SCHIP1: variants seen among roughly 807,000 people sequenced by gnomAD.
The protein encoded by SCHIP1 is schwannomin-interacting protein 1.
A neutral mutation model predicts 29.7 loss-of-function variants in SCHIP1; 8 were observed. That is an observed-to-expected ratio of 0.27 (90% CI 0.16 to 0.49). SCHIP1 has a LOEUF of 0.49. Ranked by LOEUF, SCHIP1 falls within the 20% of genes least tolerant of loss-of-function variation. SCHIP1 has a pLI of 0.99. For synonymous variants in SCHIP1, 76 were observed against 94.9 expected, an observed-to-expected ratio of 0.80 and a Z score of 1.16; for missense variants, 193 against 294.6, an observed-to-expected ratio of 0.66 and a Z score of 2.52.
the SCHIP1 span, among the ~76,000 whole-genome samples, chr3:159,421,175 ATT>A: frequency 6.6e-6 from 1 of 152,170 alleles, no homozygotes; most frequent in Non-Finnish European, 1.5e-5. Context: ...GTTACACAGA[ATT>A]TGTCACCTTT....
At chr3:159,867,211 TCA>T (rs1714718626) in intron 2 of SCHIP1, among the ~76,000 whole-genome samples, 1 of 152,218 alleles carries the variant, frequency 6.6e-6, no homozygotes, top group Non-Finnish European at 1.5e-5. Context: ...CTGTTTCCTC[TCA>T]GTCTTCCTTT....
chr3:159,764,809 C>A, the SCHIP1 span: 7 of 1,579,036 alleles, frequency 4.4e-6, no homozygotes, highest in South Asian at 1.2e-5. The surrounding 1 kb of genome is among the most constrained non-coding windows in gnomAD (Gnocchi z 6.1). Context: ...CACCGCCATG[C>A]CGCCCCCGGT....
At chr3:159,396,454 G>A in the SCHIP1 span, among the ~76,000 whole-genome samples, 1 of 147,736 alleles carries the variant, frequency 6.8e-6, no homozygotes, top group Non-Finnish European at 1.5e-5. Flanking sequence ...TGCAGCGGCT[G>A]GTACCGGTTG....
chr3:159,886,227 T>C, exon 3 of SCHIP1: 1 of 1,614,214 alleles, frequency 6.2e-7, no homozygotes, highest in Non-Finnish European at 8.5e-7. Context: ...GGGATGAACT[T>C]GCAGATATGC....
At chr3:159,583,890 C>A in the SCHIP1 span, among the ~76,000 whole-genome samples, 2 of 152,264 alleles carry the variant, frequency 1.3e-5, no homozygotes, top group Admixed American at 6.5e-5. Context: ...ACATGCCAAT[C>A]GGCTCTTTAT....
the SCHIP1 span, among the ~76,000 whole-genome samples, chr3:159,443,737 G>C: frequency 1.4e-4 from 22 of 152,254 alleles, no homozygotes; most frequent in African/African-American, 5.3e-4. Context: ...TTGATCTCTT[G>C]ACCTCGTGAT....
the SCHIP1 span, among the ~76,000 whole-genome samples, chr3:159,595,311 T>C: frequency 3.9e-5 from 6 of 152,108 alleles, no homozygotes; most frequent in African/African-American, 7.2e-5. Context: ...TCCAGAGATG[T>C]TCTCTAATCA....
chr3:159,445,951 C>A, the SCHIP1 span, among the ~76,000 whole-genome samples: 1 of 151,644 alleles, frequency 6.6e-6, no homozygotes, highest in Non-Finnish European at 1.5e-5. Flanking sequence ...GGGTGCAGCA[C>A]ACCAGCATGG....
the SCHIP1 span, among the ~76,000 whole-genome samples, chr3:159,426,694 A>G: frequency 6.6e-6 from 1 of 152,224 alleles, no homozygotes; most frequent in Non-Finnish European, 1.5e-5. Flanking sequence ...TGAGGCCAGC[A>G]TCATCCTGAT....
chr3:159,616,749 C>T, the SCHIP1 span, among the ~76,000 whole-genome samples: 3 of 151,914 alleles, frequency 2.0e-5, no homozygotes, highest in Admixed American at 6.6e-5. Flanking sequence ...GGAACATGTC[C>T]CTTGCAAGTT....
the SCHIP1 span, among the ~76,000 whole-genome samples, chr3:159,721,313 T>A: frequency 6.6e-6 from 1 of 152,230 alleles, no homozygotes; most frequent in Non-Finnish European, 1.5e-5. Flanking sequence ...TAGAGTTTGC[T>A]TTTTAAATAG....
the SCHIP1 span, among the ~76,000 whole-genome samples, chr3:159,384,010 T>G: frequency 6.6e-6 from 1 of 151,464 alleles, no homozygotes; most frequent in Non-Finnish European, 1.5e-5. Flanking sequence ...GATTTTGGGC[T>G]GAGACAATGG....
chr3:159,544,171 T>C, the SCHIP1 span, among the ~76,000 whole-genome samples: 1 of 152,050 alleles, frequency 6.6e-6, no homozygotes, highest in Non-Finnish European at 1.5e-5. Flanking sequence ...TATATATACA[T>C]ACATATATAT....
the SCHIP1 span, among the ~76,000 whole-genome samples, chr3:159,827,726 ACCCGGGAAG>A: frequency 1.3e-5 from 2 of 151,138 alleles, no homozygotes; most frequent in South Asian, 4.2e-4. Context: ...AATGGCGTGA[ACCCGGGAAG>A]CGGAGCTTGC....
chr3:159,727,926 T>C, the SCHIP1 span, among the ~76,000 whole-genome samples: 1 of 150,558 alleles, frequency 6.6e-6, no homozygotes, highest in Non-Finnish European at 1.5e-5. Flanking sequence ...TTTTTGTTGT[T>C]TTTTTTTTTG....
chr3:159,424,470 T>G, the SCHIP1 span, among the ~76,000 whole-genome samples: 2 of 151,644 alleles, frequency 1.3e-5, no homozygotes, highest in Non-Finnish European at 2.9e-5. Flanking sequence ...TGAAATGAAG[T>G]GAGAAGGGAA....
intron 2 of SCHIP1, among the ~76,000 whole-genome samples, chr3:159,872,807 G>T (rs1364734947): frequency 1.3e-5 from 2 of 152,146 alleles, no homozygotes; most frequent in African/African-American, 4.8e-5. Context: ...AAAGCCTTTA[G>T]AATGTTCAGT....
the SCHIP1 span, among the ~76,000 whole-genome samples, chr3:159,803,873 C>A: frequency 6.6e-6 from 1 of 151,864 alleles, no homozygotes; most frequent in Non-Finnish European, 1.5e-5. Context: ...AGCTTCAGAG[C>A]AGCCTGAATG....
At chr3:159,299,283 A>G in the SCHIP1 span, among the ~76,000 whole-genome samples, 2 of 152,174 alleles carry the variant, frequency 1.3e-5, no homozygotes, top group African/African-American at 4.8e-5. Flanking sequence ...CAGTCACTCA[A>G]GTGCTCTTTA....
Sources: gnomAD v4.1 joint callset for allele counts (sites outside exome capture counted in the v4.1 genomes callset) on GRCh38, gnomAD v4.1.1 for gene constraint, Gnocchi (gnomAD v3.1) non-coding constraint, MANE v1.5 for transcripts, NCBI Gene and HGNC (gene_info 2026-07-23, HGNC 2026-07-21) for gene names.